PHF14: variants seen among roughly 807,000 people sequenced by gnomAD.
PHF14 encodes PHD finger protein 14.
A neutral mutation model predicts 117.9 loss-of-function variants in PHF14; 55 were observed. The ratio of observed to expected loss-of-function variants is 0.47; its 90% CI spans 0.38 to 0.58. The LOEUF (loss-of-function observed/expected upper bound fraction) is 0.58. Ranked by LOEUF, PHF14 falls within the 20% of genes least tolerant of loss-of-function variation. The probability of loss-of-function intolerance (pLI) is 0.00; values close to 1 mark genes in which losing one functional copy is unlikely to be tolerated. For synonymous variants in PHF14, 409 were observed against 368.6 expected, an observed-to-expected ratio of 1.11 and a Z score of -1.26; for missense variants, 978 against 1,122.2, an observed-to-expected ratio of 0.87 and a Z score of 1.84.
At chr7:11,131,116 G>A (rs148614324) in intron 17 of PHF14, among the ~76,000 whole-genome samples, 1 of 151,770 alleles carries the variant, frequency 6.6e-6, no homozygotes, top group African/African-American at 2.4e-5. Flanking sequence ...CCAAGTTTTG[G>A]CAGTTATGAA....
At chr7:11,075,299 G>A (rs965129848) in intron 16 of PHF14, among the ~76,000 whole-genome samples, 2 of 152,062 alleles carry the variant, frequency 1.3e-5, no homozygotes, top group African/African-American at 4.8e-5. Flanking sequence ...GTTAGTTGAT[G>A]TTGCCATAAA....
chr7:11,062,727 C>A (rs1346123491), intron 16 of PHF14: 2 of 984,920 alleles, frequency 2.0e-6, no homozygotes, highest in Non-Finnish European at 2.4e-6. Flanking sequence ...TCCCAACGGT[C>A]CAGAGGCTGC....
intron 4 of PHF14, among the ~76,000 whole-genome samples, chr7:10,995,569 G>T (rs776987955): frequency 1.3e-5 from 2 of 152,162 alleles, no homozygotes; most frequent in Non-Finnish European, 2.9e-5. Context: ...TCAGCCCTTG[G>T]GTGGTCGATG....
chr7:11,131,052 A>C (rs1562479958), intron 17 of PHF14, among the ~76,000 whole-genome samples: 1 of 151,912 alleles, frequency 6.6e-6, no homozygotes, highest in Non-Finnish European at 1.5e-5. Context: ...ATTAAAGGTA[A>C]GAGAGAGTAC....
intron 16 of PHF14, chr7:11,102,683 T>C: frequency 6.9e-7 from 1 of 1,439,146 alleles, no homozygotes; most frequent in Middle Eastern, 1.8e-4. Context: ...TTGGATAGAA[T>C]ATAATTGATT....
chr7:11,030,227 G>A (rs3801438), intron 7 of PHF14, among the ~76,000 whole-genome samples: 7,437 of 151,668 alleles, frequency 0.049, 339 homozygotes, highest in East Asian at 0.23. Context: ...AACTCAGGAT[G>A]GTGGGCAAAA....
chr7:10,975,503 G>T (rs1781830451), intron 2 of PHF14, among the ~76,000 whole-genome samples: 1 of 152,094 alleles, frequency 6.6e-6, no homozygotes, highest in Non-Finnish European at 1.5e-5. Flanking sequence ...ACTATATTTA[G>T]TAATTTTAAA....
intron 16 of PHF14, among the ~76,000 whole-genome samples, chr7:11,093,736 G>C (rs190871705): frequency 6.6e-6 from 1 of 152,272 alleles, no homozygotes; most frequent in African/African-American, 2.4e-5. Flanking sequence ...AGAATCACAA[G>C]CTTGGTTCTT....
chr7:11,160,074 C>T (rs1788978764), intron 17 of PHF14, among the ~76,000 whole-genome samples: 1 of 152,028 alleles, frequency 6.6e-6, no homozygotes, highest in South Asian at 2.1e-4. Flanking sequence ...TCCTTCCCTC[C>T]CCATTCTAGT....
chr7:11,022,316 A>T (rs1020948247), intron 5 of PHF14, among the ~76,000 whole-genome samples: 3 of 152,180 alleles, frequency 2.0e-5, no homozygotes, highest in Non-Finnish European at 2.9e-5. Flanking sequence ...TTTTCCCAGC[A>T]GTTTTAATCT....
At chr7:11,062,854 CA>C (rs1323676079) in intron 16 of PHF14, 3 of 984,882 alleles carry the variant, frequency 3.0e-6, no homozygotes, top group East Asian at 1.1e-4. Flanking sequence ...GACAGTGTCA[CA>C]AAAGTTCTTA....
intron 14 of PHF14, among the ~76,000 whole-genome samples, chr7:11,056,932 G>A (rs575505379): frequency 6.6e-6 from 1 of 151,598 alleles, no homozygotes; most frequent in Non-Finnish European, 1.5e-5. Flanking sequence ...GCTTAACAGA[G>A]GTTTTCAAAG....
At chr7:11,040,610 G>A (rs1044963275) in intron 11 of PHF14, 62 bp from the exon 12 acceptor site, 35 of 800,780 alleles carry the variant, frequency 4.4e-5, no homozygotes, top group Admixed American at 2.4e-4. Context: ...GGCAATTAGA[G>A]GAAAATGTTG....
At chr7:11,075,020 C>G (rs1438050109) in intron 16 of PHF14, among the ~76,000 whole-genome samples, 1 of 151,752 alleles carries the variant, frequency 6.6e-6, no homozygotes, top group Non-Finnish European at 1.5e-5. Context: ...TTACTGCAAC[C>G]CCCATCTCCC....
At chr7:11,018,860 C>CCCATTCAGTAT in intron 5 of PHF14, among the ~76,000 whole-genome samples, 1 of 152,012 alleles carries the variant, frequency 6.6e-6, no homozygotes, top group East Asian at 1.9e-4. Context: ...CCATTCAGTA[C>CCCATTCAGTAT]GATACTAGCT....
intron 16 of PHF14, among the ~76,000 whole-genome samples, chr7:11,096,904 C>A (rs1261738890): frequency 1.3e-5 from 2 of 150,854 alleles, no homozygotes; most frequent in African/African-American, 2.4e-5. Flanking sequence ...TCAGCCAATT[C>A]AGTACATTTA....
At chr7:11,064,108 A>T (rs1785337960) in intron 16 of PHF14, among the ~76,000 whole-genome samples, 1 of 152,002 alleles carries the variant, frequency 6.6e-6, no homozygotes, top group East Asian at 1.9e-4. Context: ...AGCTGGATAT[A>T]AAGCAATGCC....
rs1349655041 is a variant in PHF14, at chr7:11,075,563, G to A, written c.2654+13478G>A. ...CACTCATTCCCATGGGAAGGAAAGA[G>A]GTTTTTTTTTTTTTTTTTTTTTTTT... is the stretch of plus-strand genomic sequence containing the variant. On this transcript the variant is annotated intron_variant, in intron 16 of 17. Transcript: ENST00000634607. 5.7e-5 allele frequency among the ~76,000 whole-genome samples: 6 copies of A among 104,594 alleles called. No individual in the cohort carries two copies. In the East Asian group the frequency reaches 1.9e-3, roughly 34 times the overall value. The allele number at this position is 104,594 out of a possible 152,430, so 68.6% of individuals were successfully genotyped here.
chr7:11,026,680 G>A lies in PHF14; in HGVS notation c.1318-2001G>A, dbSNP rs537114889. Among the ~76,000 whole-genome samples the A allele has an allele frequency of 4.3e-3, 647 of 150,134 alleles. 6 individuals carry two copies. Among genetic ancestry groups the A allele is most frequent in the Non-Finnish European group, 6.8e-3 (461 of 67,650 alleles). On this transcript the variant is annotated intron_variant, in intron 6 of 17. Coordinates refer to ENST00000634607, the MANE Select transcript of PHF14 (RefSeq NM_001007157.2). Reference sequence around the variant, plus strand: ...GATTTAGTAGAAAGTGTCCAGTTACGTTATCTGATGTCTAGTTGGCTGTTG... The same window carrying A: ...GATTTAGTAGAAAGTGTCCAGTTACATTATCTGATGTCTAGTTGGCTGTTG...
Sources: gnomAD v4.1 joint callset for allele counts (sites outside exome capture counted in the v4.1 genomes callset) on GRCh38, gnomAD v4.1.1 for gene constraint, MANE v1.5 for transcripts, NCBI Gene and HGNC (gene_info 2026-07-23, HGNC 2026-07-21) for gene names.